The following PDE3A variants were observed in gnomAD, a reference collection of about 807,000 sequenced individuals.
PDE3A encodes phosphodiesterase 3A, also known as cGMP-inhibited 3',5'-cyclic phosphodiesterase 3A.
In PDE3A, 43 loss-of-function variants were observed where a neutral mutation model predicts 98.3. The observed-to-expected ratio is 0.44, with a 90% CI of 0.34 to 0.56. The LOEUF is 0.56. Among genes scored for constraint, PDE3A ranks in the 20% least tolerant of loss-of-function variants. PDE3A has a pLI of 0.01. For missense variants in PDE3A, 1,427 were observed against 1,440.7 expected (o/e 0.99, Z 0.15); for synonymous variants, 663 against 567.9 (o/e 1.17, Z -2.38).
At chr12:20,380,678 T>A (rs908406761) in intron 1 of PDE3A, among the ~76,000 whole-genome samples, 1 of 151,800 alleles carries the variant, frequency 6.6e-6, no homozygotes, top group Non-Finnish European at 1.5e-5. Flanking sequence ...AGTTTCTTTT[T>A]ATCTGTACAT....
intron 14 of PDE3A, among the ~76,000 whole-genome samples, chr12:20,652,779 G>A (rs972767280): frequency 6.6e-6 from 1 of 152,154 alleles, no homozygotes; most frequent in Non-Finnish European, 1.5e-5. Flanking sequence ...AGGACTTCAT[G>A]TCTAAAACAC....
chr12:20,644,217 A>G (rs1325777462), intron 10 of PDE3A, among the ~76,000 whole-genome samples: 1 of 152,204 alleles, frequency 6.6e-6, no homozygotes, highest in African/African-American at 2.4e-5. Context: ...CGATGGAGGC[A>G]GAAGATATTT....
chr12:20,660,017 G>C (rs376657916), intron 15 of PDE3A, among the ~76,000 whole-genome samples: 1 of 152,002 alleles, frequency 6.6e-6, no homozygotes, highest in Non-Finnish European at 1.5e-5. Flanking sequence ...CCCTCATCTT[G>C]AATTGTAGTT....
intron 15 of PDE3A, among the ~76,000 whole-genome samples, chr12:20,672,989 A>G (rs955111991): frequency 6.6e-6 from 1 of 151,586 alleles, no homozygotes. Context: ...CAATGAACTC[A>G]TACAAATTTA....
At chr12:20,477,832 T>C (rs1192303975) in intron 1 of PDE3A, among the ~76,000 whole-genome samples, 1 of 152,152 alleles carries the variant, frequency 6.6e-6, no homozygotes, top group African/African-American at 2.4e-5. Flanking sequence ...TCGTAGCCCA[T>C]GCCTTTCTTT....
chr12:20,688,236 C>A lies in PDE3A; in HGVS notation c.*7965C>A, dbSNP rs1946032689. On this transcript the variant is annotated 3_prime_UTR_variant, in exon 16 of 16. Coordinates refer to ENST00000359062, the MANE Select transcript of PDE3A (RefSeq NM_000921.5). ...TCATCATTTTGCAATTGAAATAAAT[C>A]TTGTCCTTTCACCTATATCTTCCAT... is the stretch of plus-strand genomic sequence containing the variant. Among the ~76,000 whole-genome samples, 1 of 151,882 alleles carries A rather than the reference C, an allele frequency of 6.6e-6. No individual in the cohort carries two copies. Among genetic ancestry groups the A allele is most frequent in the Non-Finnish European group, 1.5e-5 (1 of 67,938 alleles).
intron 1 of PDE3A, among the ~76,000 whole-genome samples, chr12:20,521,101 T>G (rs207472716): frequency 6.6e-6 from 1 of 151,664 alleles, no homozygotes; most frequent in Admixed American, 6.6e-5. Context: ...TCAAATATAT[T>G]CCTGGCTAAA....
chr12:20,420,711 C>T (rs73239521), intron 1 of PDE3A, among the ~76,000 whole-genome samples: 2,773 of 152,092 alleles, frequency 0.018, 73 homozygotes, highest in African/African-American at 0.063. Flanking sequence ...CCAGAAGGAC[C>T]GGCTGTGGAG....
intron 1 of PDE3A, among the ~76,000 whole-genome samples, chr12:20,509,352 A>G (rs1202232684): frequency 6.8e-6 from 1 of 147,144 alleles, no homozygotes; most frequent in African/African-American, 2.4e-5. Flanking sequence ...CTGGGCTTCT[A>G]GAGCACCACC....
At chr12:20,538,615 T>G (rs183081691) in intron 1 of PDE3A, among the ~76,000 whole-genome samples, 18 of 152,256 alleles carry the variant, frequency 1.2e-4, no homozygotes, top group Admixed American at 4.6e-4. Flanking sequence ...AACTAGCATT[T>G]TTGTCACACA....
intron 15 of PDE3A, among the ~76,000 whole-genome samples, chr12:20,656,565 C>G (rs1945049030): frequency 6.6e-6 from 1 of 152,120 alleles, no homozygotes; most frequent in South Asian, 2.1e-4. Context: ...TCTTGAGATT[C>G]AGAGCTAGAA....
In PDE3A at chr12:20,654,103, G is replaced by C; in HGVS notation, c.3082G>C (p.Glu1028Gln). 6.2e-7 allele frequency: 1 copy of C among 1,614,096 alleles called. No individual in the cohort carries two copies. Among genetic ancestry groups the C allele is most frequent in the Non-Finnish European group, 8.5e-7 (1 of 1,179,984 alleles). The change falls in exon 15 of 16, where the codon GAA (glutamate) becomes CAA (glutamine). Residue 1028 changes from glutamate (E) to glutamine (Q), a missense_variant. By Grantham distance (29) the Glu-to-Gln change is conservative. Transcript: ENST00000359062. ...SAGLMPGKWV[E>Q]DSDESGDTDD... is the part of the protein sequence containing the mutation. Reference sequence around the variant, plus strand: ...AGGACTAATGCCTGGAAAATGGGTGGAAGACAGCGATGAGTCAGGAGATAC... The same window carrying C: ...AGGACTAATGCCTGGAAAATGGGTGCAAGACAGCGATGAGTCAGGAGATAC...
At chr12:20,537,215 T>G (rs1237750538) in intron 1 of PDE3A, among the ~76,000 whole-genome samples, 2 of 152,128 alleles carry the variant, frequency 1.3e-5, no homozygotes, top group African/African-American at 4.8e-5. Flanking sequence ...GAGAAATGTC[T>G]ATTTAATCCT....
chr12:20,470,289 T>A (rs1234279779), intron 1 of PDE3A, among the ~76,000 whole-genome samples: 8 of 152,160 alleles, frequency 5.3e-5, no homozygotes, highest in Admixed American at 5.2e-4. Flanking sequence ...GAAAATAGTT[T>A]TTATTTTGAA....
At chr12:20,506,099 GGT>G (rs56148951) in intron 1 of PDE3A, among the ~76,000 whole-genome samples, 42,425 of 148,640 alleles carry the variant, frequency 0.29, 6,235 homozygotes, top group African/African-American at 0.37. Flanking sequence ...TCTAAAGGAA[GGT>G]GTGTGTGTGT....
chr12:20,600,327 C>CGTAG (rs1943560617), intron 2 of PDE3A, among the ~76,000 whole-genome samples: 1 of 152,160 alleles, frequency 6.6e-6, no homozygotes, highest in Non-Finnish European at 1.5e-5. Flanking sequence ...CTCTTAGCTA[C>CGTAG]GTATCTTCCC....
At chr12:20,665,909 G>A (rs1945296071) in intron 15 of PDE3A, among the ~76,000 whole-genome samples, 1 of 148,746 alleles carries the variant, frequency 6.7e-6, no homozygotes, top group Admixed American at 6.7e-5. Flanking sequence ...AATGTGTAAT[G>A]ATTAAATCAG....
intron 1 of PDE3A, among the ~76,000 whole-genome samples, chr12:20,501,303 T>A (rs1379321542): frequency 6.6e-6 from 1 of 152,186 alleles, no homozygotes; most frequent in Non-Finnish European, 1.5e-5. Flanking sequence ...ATTTTCTTCA[T>A]CTTTGTAAAC....
intron 1 of PDE3A, among the ~76,000 whole-genome samples, chr12:20,485,477 T>C (rs1241081878): frequency 6.6e-6 from 1 of 152,162 alleles, no homozygotes; most frequent in Non-Finnish European, 1.5e-5. Flanking sequence ...CCCATAAGAA[T>C]TCTGAAACTT....
Sources: allele counts gnomAD v4.1 joint callset (sites outside exome capture counted in the v4.1 genomes callset), GRCh38; gene constraint gnomAD v4.1.1; transcripts MANE v1.5; gene names NCBI Gene and HGNC (gene_info 2026-07-23, HGNC 2026-07-21).